CSPG5: variants seen among roughly 807,000 people sequenced by gnomAD.
The protein encoded by CSPG5 is chondroitin sulfate proteoglycan 5.
A neutral mutation model predicts 39.8 loss-of-function variants in CSPG5; 25 were observed. The observed-to-expected ratio is 0.63, with a 90% CI of 0.46 to 0.88. The LOEUF (loss-of-function observed/expected upper bound fraction) is 0.88, where lower values mean the gene tolerates loss of function less well. Among genes scored for constraint, CSPG5 ranks in the 40% least tolerant of loss-of-function variants. CSPG5 has a pLI of 0.00. For missense variants in CSPG5, 627 were observed against 702.2 expected (o/e 0.89, Z 1.21); for synonymous variants, 295 against 303.9 (o/e 0.97, Z 0.31).
intron 4 of CSPG5, among the ~76,000 whole-genome samples, chr3:47,565,225 A>G (rs1440094961): frequency 6.6e-6 from 1 of 152,138 alleles, no homozygotes; most frequent in Non-Finnish European, 1.5e-5. Context: ...TAGATTAGAA[A>G]ACTGTCTTCT....
At chr3:47,573,422 A>T (rs1327575609) in intron 2 of CSPG5, among the ~76,000 whole-genome samples, 1 of 152,192 alleles carries the variant, frequency 6.6e-6, no homozygotes, top group East Asian at 1.9e-4. Flanking sequence ...AAATAGAAAG[A>T]TGGATGTAGA....
At chr3:47,566,353 ATCTC>A (rs1178069893) in intron 4 of CSPG5, among the ~76,000 whole-genome samples, 2 of 151,876 alleles carry the variant, frequency 1.3e-5, no homozygotes, top group Non-Finnish European at 2.9e-5. Flanking sequence ...CATCTGGAGG[ATCTC>A]TCACTCTCCC....
At position 47,577,496 on chromosome 3, in the gene CSPG5, A is replaced by G; in HGVS notation, c.530T>C (p.Leu177Pro). 6 of 1,613,412 alleles carry G rather than the reference A, an allele frequency of 3.7e-6. No homozygotes were observed. Among genetic ancestry groups the G allele is most frequent in the Non-Finnish European group, 5.1e-6 (6 of 1,179,836 alleles). Residue 177 changes from leucine to proline, a missense_variant, in exon 2 of 5, where the codon CTG (leucine) becomes CCG (proline). Coordinates refer to ENST00000264723, the MANE Select transcript of CSPG5 (RefSeq NM_006574.4). This position sits in a 1 kb window ranked among gnomAD's most constrained non-coding sequence, Gnocchi z 4.7. ...GTCGGGTGTGCTGCCCCCCAGGTTC[A>G]GCCAAACCTCCAAGGGGCTCTCCTT... Reference protein sequence around the residue: ...LPKESPLEVWLNLGGSTPDPQ... With the variant: ...LPKESPLEVWPNLGGSTPDPQ...
At chr3:47,565,516 C>T (rs535739508) in intron 4 of CSPG5, among the ~76,000 whole-genome samples, 1 of 152,298 alleles carries the variant, frequency 6.6e-6, no homozygotes, top group African/African-American at 2.4e-5. Context: ...TGTGGACTCA[C>T]TGCTCCCAGC....
chr3:47,575,999 G>A (rs1172416462), intron 2 of CSPG5, among the ~76,000 whole-genome samples: 2 of 145,948 alleles, frequency 1.4e-5, no homozygotes, highest in African/African-American at 2.6e-5. Context: ...GTGCAATGGC[G>A]TGATCTCGGC....
At chr3:47,565,455 C>T (rs573956591) in intron 4 of CSPG5, among the ~76,000 whole-genome samples, 60 of 152,200 alleles carry the variant, frequency 3.9e-4, no homozygotes, top group African/African-American at 1.4e-3. Flanking sequence ...ATAGAAGTAC[C>T]TCATCACAAG....
chr3:47,566,645 C>T (rs1476829909), intron 4 of CSPG5, among the ~76,000 whole-genome samples: 1 of 152,176 alleles, frequency 6.6e-6, no homozygotes, highest in Non-Finnish European at 1.5e-5. Flanking sequence ...CGGAAAGACA[C>T]CAGCCTCAAT....
intron 4 of CSPG5, among the ~76,000 whole-genome samples, chr3:47,564,815 C>T (rs975438874): frequency 1.3e-5 from 2 of 151,888 alleles, no homozygotes; most frequent in African/African-American, 4.8e-5. Flanking sequence ...GTGTACTTTA[C>T]GGAGAGGGAG....
intron 3 of CSPG5, among the ~76,000 whole-genome samples, chr3:47,570,563 G>T (rs1469774171): frequency 6.6e-6 from 1 of 150,948 alleles, no homozygotes; most frequent in Admixed American, 6.6e-5. Context: ...AGGCTGGAGT[G>T]TAGTGGCACA....
In CSPG5 at chr3:47,572,365, C is replaced by T. The variant is rs1576371517; in HGVS notation, c.1382+321G>A. On this transcript the variant is annotated intron_variant, in intron 3 of 4. Transcript: ENST00000264723. The surrounding 1 kb of genome is among the most constrained non-coding windows in gnomAD (Gnocchi z 4.5). ...CAGGTGGGCAGACTGAGTAACTTACCTGGGGACTAGAGGAGGAGTAGCTAC... is the reference window on the plus strand; with the variant it reads ...CAGGTGGGCAGACTGAGTAACTTACTTGGGGACTAGAGGAGGAGTAGCTAC... Among the ~76,000 whole-genome samples, 1 of 152,174 alleles carries T rather than the reference C, an allele frequency of 6.6e-6. No homozygotes were observed. Among genetic ancestry groups the T allele is most frequent in the East Asian group, 1.9e-4 (1 of 5,202 alleles).
chr3:47,562,771 G>T lies in CSPG5; in HGVS notation c.1459-10C>A. ...GAGCACTAGGATCATCCTGGAAGAGGGAAAAAGTTGGGGGGGGGGAGACAA... is the reference window on the plus strand; with the variant it reads ...GAGCACTAGGATCATCCTGGAAGAGTGAAAAAGTTGGGGGGGGGGAGACAA... On this transcript the variant is annotated splice_polypyrimidine_tract_variant and intron_variant, in intron 4 of 4. Coordinates refer to ENST00000264723, the MANE Select transcript of CSPG5 (RefSeq NM_006574.4). 1.9e-6 allele frequency: 3 copies of T among 1,591,110 alleles called. No individual in the cohort carries two copies. The highest frequency in any genetic ancestry group is 2.6e-6 in the Non-Finnish European group (3 of 1,166,220).
rs61732079 is a variant in CSPG5 at position 47,577,335 on chromosome 3, A to C, written c.691T>G (p.Ser231Ala). The change falls in exon 2 of 5, where the codon TCA becomes GCA. Residue 231 changes from serine (S) to alanine (A), a missense_variant. By Grantham distance (99) the Ser-to-Ala change is moderately conservative (BLOSUM62 1). Transcript: ENST00000264723. The surrounding 1 kb of genome is among the most constrained non-coding windows in gnomAD (Gnocchi z 4.7). Reference sequence around the variant, plus strand: ...GGGTGGTTCTCTGAGGTTCCTGGTGACCCTGGGAAGCTCCCCAGATCTGCG... The same window carrying C: ...GGGTGGTTCTCTGAGGTTCCTGGTGCCCCTGGGAAGCTCCCCAGATCTGCG... Reference protein sequence around the residue: ...RGADLGSFPGSPGTSENHPDT... With the variant: ...RGADLGSFPGAPGTSENHPDT... 0.021 allele frequency: 33,992 copies of C among 1,613,744 alleles called. 445 individuals carry two copies. Among genetic ancestry groups the C allele is most frequent in the Non-Finnish European group, 0.025 (29,504 of 1,179,846 alleles).
chr3:47,579,462 T>A (rs971804669), upstream of CSPG5: 10 of 152,132 alleles, frequency 6.6e-5, no homozygotes, highest in African/African-American at 2.4e-4. This position sits in a 1 kb window ranked among gnomAD's most constrained non-coding sequence, Gnocchi z 4.2. Flanking sequence ...TCGGATCAGA[T>A]CTAATCCGTT....
At chr3:47,568,156 T>C (rs977247120) in intron 4 of CSPG5, among the ~76,000 whole-genome samples, 13 of 152,232 alleles carry the variant, frequency 8.5e-5, no homozygotes, top group Non-Finnish European at 1.6e-4. Context: ...TTAAAGTCCA[T>C]TGCTTCAGTC....
At position 47,577,990 on chromosome 3, in the gene CSPG5, C is replaced by G. The variant is rs1423959834; in HGVS notation, c.98-62G>C. The G allele has an allele frequency of 1.4e-5, 19 of 1,363,508 alleles. No homozygotes were observed. Among genetic ancestry groups the G allele is most frequent in the Non-Finnish European group, 1.8e-5 (19 of 1,066,930 alleles). 84.5% of individuals were successfully genotyped at this position (1,363,508 alleles called of 1,614,324 possible). On this transcript the variant is annotated intron_variant, in intron 1 of 4. Coordinates refer to ENST00000264723, the MANE Select transcript of CSPG5 (RefSeq NM_006574.4). The surrounding 1 kb of genome is among the most constrained non-coding windows in gnomAD (Gnocchi z 4.7). ...GGCGCGCTGAGGAGCCCTGGAGCCCCGGCCCGCCCCGGTCAGGCCCGCTCG... is the reference window on the plus strand; with the variant it reads ...GGCGCGCTGAGGAGCCCTGGAGCCCGGGCCCGCCCCGGTCAGGCCCGCTCG...
intron 2 of CSPG5, among the ~76,000 whole-genome samples, chr3:47,575,148 G>A (rs902991297): frequency 6.6e-6 from 1 of 152,170 alleles, no homozygotes; most frequent in African/African-American, 2.4e-5. Context: ...TACCCTGGCC[G>A]GGCGTGGTGG....
intron 2 of CSPG5, among the ~76,000 whole-genome samples, chr3:47,575,791 G>A (rs533070693): frequency 6.6e-6 from 1 of 152,168 alleles, no homozygotes; most frequent in African/African-American, 2.4e-5. Flanking sequence ...GGCATGGAGC[G>A]GTGTTCAACA....
chr3:47,574,887 C>T (rs1002548674), intron 2 of CSPG5, among the ~76,000 whole-genome samples: 4 of 151,942 alleles, frequency 2.6e-5, no homozygotes, highest in Admixed American at 6.6e-5. Context: ...TATAGTGAGT[C>T]GAGATTGCAC....
chr3:47,566,146 C>T (rs1163453625), intron 4 of CSPG5, among the ~76,000 whole-genome samples: 3 of 152,094 alleles, frequency 2.0e-5, no homozygotes, highest in Non-Finnish European at 4.4e-5. Context: ...GAGGTGATTG[C>T]GACAGTGTAG....
Sources: gnomAD v4.1 joint callset for allele counts (sites outside exome capture counted in the v4.1 genomes callset) on GRCh38, gnomAD v4.1.1 for gene constraint, Gnocchi (gnomAD v3.1) non-coding constraint, MANE v1.5 for transcripts, NCBI Gene and HGNC (gene_info 2026-07-23, HGNC 2026-07-21) for gene names.